COL5A2: variants seen among roughly 807,000 people sequenced by gnomAD.
The protein encoded by COL5A2 is collagen alpha-2(V) chain.
COL5A2 carries 23 observed loss-of-function variants against 208.2 expected under a neutral mutation model. The ratio of observed to expected loss-of-function variants is 0.11; its 90% CI spans 0.08 to 0.16. The LOEUF is 0.16. COL5A2 is among the 10% of genes least tolerant of loss of function. The probability of loss-of-function intolerance (pLI) is 1.00; values close to 1 mark genes in which losing one functional copy is unlikely to be tolerated. For missense variants in COL5A2, 1,590 were observed against 1,956.4 expected, an observed-to-expected ratio of 0.81 and a Z score of 3.53; for synonymous variants, 625 against 628.5, an observed-to-expected ratio of 0.99 and a Z score of 0.08.
chr2:189,426,559 C>A, the COL5A2 span, among the ~76,000 whole-genome samples: 1 of 152,220 alleles, frequency 6.6e-6, no homozygotes, highest in Non-Finnish European at 1.5e-5. Flanking sequence ...CCAAACTGTG[C>A]TCTAACCACC....
At position 189,147,866 on chromosome 2, in the gene COL5A2, A is replaced by G. The variant is rs371442837; in HGVS notation, c.97+31642T>C. ...TAAGGAAGTAGGTGGAGAAGGAGGA[A>G]GAGAAGCTTTATCTCCTCTCTGATG... On this transcript the variant is annotated intron_variant, in intron 1 of 53. Transcript: ENST00000374866. 3.6e-4 allele frequency among the ~76,000 whole-genome samples: 55 copies of G among 152,264 alleles called. 1 individual carries two copies. Among genetic ancestry groups the G allele is most frequent in the African/African-American group, 1.1e-3 (45 of 41,566 alleles).
the COL5A2 span, among the ~76,000 whole-genome samples, chr2:189,264,358 T>C: frequency 6.6e-6 from 1 of 152,150 alleles, no homozygotes; most frequent in Non-Finnish European, 1.5e-5. Context: ...TCAAATGATA[T>C]ACTATGCAGT....
At chr2:189,190,493 T>G (rs190677217) in intron 1 of COL5A2, among the ~76,000 whole-genome samples, 9 of 152,338 alleles carry the variant, frequency 5.9e-5, no homozygotes, top group East Asian at 3.9e-4. Context: ...TAAAAATAAT[T>G]TATACACATT....
At chr2:189,259,217 C>T in the COL5A2 span, among the ~76,000 whole-genome samples, 1 of 152,006 alleles carries the variant, frequency 6.6e-6, no homozygotes, top group Non-Finnish European at 1.5e-5. Flanking sequence ...GACAATTATG[C>T]AAGCAAAAAA....
chr2:189,259,620 G>A, the COL5A2 span, among the ~76,000 whole-genome samples: 2 of 152,106 alleles, frequency 1.3e-5, no homozygotes, highest in African/African-American at 4.8e-5. Flanking sequence ...TCACATCTTT[G>A]TACTTGGCAA....
the COL5A2 span, among the ~76,000 whole-genome samples, chr2:189,413,503 G>A: frequency 6.6e-6 from 1 of 152,118 alleles, no homozygotes; most frequent in African/African-American, 2.4e-5. Context: ...AGTCCACTGA[G>A]GTCTTCTGTT....
chr2:189,097,148 A>G, intron 6 of COL5A2, 129 bp downstream of exon 6: 2 of 792,224 alleles, frequency 2.5e-6, no homozygotes, highest in South Asian at 3.0e-5. Flanking sequence ...TACAATTATT[A>G]TTGTATTTTT....
chr2:189,080,935 A>C, intron 13 of COL5A2, 55 bp downstream of exon 13: 1 of 1,411,440 alleles, frequency 7.1e-7, no homozygotes, highest in Non-Finnish European at 1.0e-6. Flanking sequence ...AAATCTCCCC[A>C]GAGCCTGTTC....
chr2:189,310,591 AGGAAATCAG>A, the COL5A2 span, among the ~76,000 whole-genome samples: 14,063 of 152,222 alleles, frequency 0.092, 1,455 homozygotes, highest in African/African-American at 0.25. Context: ...TCCAAAAGAA[AGGAAATCAG>A]GACCTTGAAG....
At chr2:189,404,978 T>C in the COL5A2 span, among the ~76,000 whole-genome samples, 2 of 152,236 alleles carry the variant, frequency 1.3e-5, no homozygotes, top group African/African-American at 4.8e-5. Context: ...TTTGGATGAA[T>C]CATTTGATAT....
At chr2:189,118,331 A>G (rs935066919) in intron 1 of COL5A2, among the ~76,000 whole-genome samples, 1 of 152,076 alleles carries the variant, frequency 6.6e-6, no homozygotes, top group African/African-American at 2.4e-5. Context: ...CAATGAGTAT[A>G]AAATTAAATA....
chr2:189,395,601 C>T, the COL5A2 span, among the ~76,000 whole-genome samples: 1 of 151,902 alleles, frequency 6.6e-6, no homozygotes, highest in Non-Finnish European at 1.5e-5. Context: ...TTATAAAAGC[C>T]ATTCTTAAGA....
intron 14 of COL5A2, 132 bp from the exon 15 acceptor site, chr2:189,079,239 C>G (rs1225951432): frequency 1.4e-5 from 10 of 732,318 alleles, no homozygotes; most frequent in Admixed American, 9.5e-5. Context: ...TATAGGATCT[C>G]AGAATGTTGT....
intron 16 of COL5A2, 108 bp from the exon 17 acceptor site, chr2:189,075,545 T>C (rs974239897): frequency 2.4e-6 from 2 of 830,754 alleles, no homozygotes; most frequent in South Asian, 1.4e-5. Flanking sequence ...AGAATAAATA[T>C]TAAAGTTAAC....
At chr2:189,172,637 C>G (rs892113859) in intron 1 of COL5A2, among the ~76,000 whole-genome samples, 1 of 152,244 alleles carries the variant, frequency 6.6e-6, no homozygotes, top group East Asian at 1.9e-4. Flanking sequence ...CAGCTGTTCT[C>G]TCACATGATG....
At chr2:189,423,496 A>T in the COL5A2 span, among the ~76,000 whole-genome samples, 1 of 152,052 alleles carries the variant, frequency 6.6e-6, no homozygotes, top group Non-Finnish European at 1.5e-5. Context: ...GACTAAGGAA[A>T]AAAGAGAAGA....
At chr2:189,264,571 A>G in the COL5A2 span, among the ~76,000 whole-genome samples, 1 of 152,212 alleles carries the variant, frequency 6.6e-6, no homozygotes, top group Non-Finnish European at 1.5e-5. Flanking sequence ...AGACAGTTAC[A>G]GTAAATCAGA....
chr2:189,355,468 A>T, the COL5A2 span, among the ~76,000 whole-genome samples: 2 of 152,118 alleles, frequency 1.3e-5, no homozygotes, highest in Admixed American at 1.3e-4. Flanking sequence ...GTGCTCCTGT[A>T]TTGGGTGCAC....
the COL5A2 span, among the ~76,000 whole-genome samples, chr2:189,410,399 C>T: frequency 0.02 from 2,969 of 151,932 alleles, 97 homozygotes; most frequent in African/African-American, 0.068. Flanking sequence ...CCCATCTCTA[C>T]AAGAAAATGA....
Sources: allele counts gnomAD v4.1 joint callset (sites outside exome capture counted in the v4.1 genomes callset), GRCh38; gene constraint gnomAD v4.1.1; transcripts MANE v1.5; gene names NCBI Gene and HGNC (gene_info 2026-07-23, HGNC 2026-07-21).